The following UTRN variants were observed in gnomAD, a reference collection of about 807,000 sequenced individuals.
UTRN encodes the protein utrophin.
UTRN carries 283 observed loss-of-function variants against 463.9 expected under a neutral mutation model. That is an observed-to-expected ratio of 0.61 (90% CI 0.55 to 0.67). UTRN has a LOEUF of 0.67. Among genes scored for constraint, UTRN ranks in the 30% least tolerant of loss-of-function variants. The pLI, the probability that UTRN is intolerant of heterozygous loss-of-function variation, is 0.00. For synonymous variants in UTRN, 1,442 were observed against 1,431.5 expected, an observed-to-expected ratio of 1.01 and a Z score of -0.17; for missense variants, 3,922 against 4,084.3, an observed-to-expected ratio of 0.96 and a Z score of 1.08.
intron 1 of UTRN, among the ~76,000 whole-genome samples, chr6:144,287,577 T>C (rs1325468099): frequency 6.6e-6 from 1 of 152,208 alleles, no homozygotes; most frequent in East Asian, 1.9e-4. Context: ...ACATAAAATA[T>C]AGTACAAAAT....
At chr6:144,394,057 A>G (rs959521597) in intron 2 of UTRN, among the ~76,000 whole-genome samples, 1 of 152,200 alleles carries the variant, frequency 6.6e-6, no homozygotes, top group African/African-American at 2.4e-5. Flanking sequence ...TGACACACAG[A>G]GGACTAAATT....
intron 51 of UTRN, among the ~76,000 whole-genome samples, chr6:144,579,405 A>G (rs1281558948): frequency 6.6e-6 from 1 of 152,184 alleles, no homozygotes. Flanking sequence ...TTCAGTAGCT[A>G]TCTAGGCTGT....
chr6:144,602,135 T>A (rs924619783), intron 51 of UTRN, among the ~76,000 whole-genome samples: 6 of 152,110 alleles, frequency 3.9e-5, no homozygotes, highest in Non-Finnish European at 5.9e-5. Context: ...ATTTTTTTTT[T>A]ATTTTTCTTT....
intron 51 of UTRN, chr6:144,659,904 G>A (rs576141731): frequency 1.7e-5 from 4 of 240,848 alleles, no homozygotes; most frequent in African/African-American, 4.4e-5. Context: ...AGTGAGGTGA[G>A]CAGAAGGGAA....
Position 144,824,472 on chromosome 6 carries a change from A to ATT in UTRN, c.9495-2876_9495-2875insTT, listed in dbSNP as rs1554407831. On this transcript the variant is annotated intron_variant, in intron 66 of 74. Transcript: ENST00000367545. The stretch of plus-strand genomic sequence containing the variant: ...ACATATACAATAAATATGTATATAT[A>ATT]GTATATATACACATATACAATAAAT... 3.3e-4 allele frequency among the ~76,000 whole-genome samples: 21 copies of ATT among 63,850 alleles called. No homozygotes were observed. The East Asian group carries it at 8.1e-3, about 25-fold the overall frequency. The allele number at this position is 63,850 out of a possible 152,430, so 41.9% of individuals were successfully genotyped here.
intron 65 of UTRN, among the ~76,000 whole-genome samples, chr6:144,819,133 G>A (rs1330180315): frequency 6.6e-6 from 1 of 152,152 alleles, no homozygotes; most frequent in African/African-American, 2.4e-5. Context: ...TGATGGCAAA[G>A]CCTGGTGATA....
chr6:144,584,862 T>G (rs529112988), intron 51 of UTRN, among the ~76,000 whole-genome samples: 1 of 152,286 alleles, frequency 6.6e-6, no homozygotes, highest in African/African-American at 2.4e-5. Flanking sequence ...CTTCAGTGGA[T>G]AAGTTTATTC....
At chr6:144,326,907 G>T (rs2114596596) in intron 2 of UTRN, among the ~76,000 whole-genome samples, 2 of 152,254 alleles carry the variant, frequency 1.3e-5, no homozygotes, top group Middle Eastern at 3.4e-3. Context: ...GATGACTAGG[G>T]GTCCAAACTT....
intron 41 of UTRN, among the ~76,000 whole-genome samples, chr6:144,527,387 T>C (rs1305724020): frequency 2.6e-5 from 4 of 152,242 alleles, no homozygotes; most frequent in Non-Finnish European, 5.9e-5. Context: ...TAGATTCTTC[T>C]TTATAGGTTA....
intron 52 of UTRN, among the ~76,000 whole-genome samples, chr6:144,686,335 A>T (rs544997180): frequency 6.6e-6 from 1 of 152,128 alleles, no homozygotes; most frequent in African/African-American, 2.4e-5. Context: ...AGAATGTTCC[A>T]TATGCTGATG....
intron 1 of UTRN, among the ~76,000 whole-genome samples, chr6:144,287,872 A>T (rs774766143): frequency 6.6e-6 from 1 of 152,338 alleles, no homozygotes; most frequent in South Asian, 2.1e-4. Context: ...TTGCATTTGT[A>T]TAGGGCTTGA....
chr6:144,428,864 T>G lies in UTRN; in HGVS notation c.665T>G (p.Leu222Trp). Residue 222 changes from leucine to tryptophan, a missense_variant, in exon 8 of 75, where the codon TTG (leucine) becomes TGG (tryptophan). This residue lies in a region of UTRN where 264 missense variants were observed against 327.9 expected (regional missense o/e 0.81). Coordinates refer to ENST00000367545, the MANE Select transcript of UTRN (RefSeq NM_007124.3). ...EHAFSKAQTYLGIEKLLDPED... is the reference protein window; with the variant it reads ...EHAFSKAQTYWGIEKLLDPED... ...GCCTTCAGCAAGGCTCAAACTTATT[T>G]GGGAATTGAAAAGCTGTTAGATCCT... 6.2e-7 allele frequency: 1 copy of G among 1,609,138 alleles called. No homozygotes were observed. Among genetic ancestry groups the G allele is most frequent in the East Asian group, 2.2e-5 (1 of 44,672 alleles).
chr6:144,432,999 G>T (rs1473960680), intron 9 of UTRN, among the ~76,000 whole-genome samples: 1 of 152,140 alleles, frequency 6.6e-6, no homozygotes, highest in East Asian at 1.9e-4. Flanking sequence ...CACAGGGTTG[G>T]GGGCAAGGTC....
chr6:144,601,192 A>G (rs144892545), intron 51 of UTRN, among the ~76,000 whole-genome samples: 400 of 152,280 alleles, frequency 2.6e-3, no homozygotes, highest in African/African-American at 9.2e-3. Flanking sequence ...TCTTCAGCCC[A>G]TGGATCGAGA....
At chr6:144,408,338 A>G (rs1213512627) in intron 3 of UTRN, among the ~76,000 whole-genome samples, 1 of 152,212 alleles carries the variant, frequency 6.6e-6, no homozygotes, top group Non-Finnish European at 1.5e-5. Flanking sequence ...GGAGGCAGCA[A>G]AGGCCTCATT....
At chr6:144,624,690 C>T (rs1775770484) in intron 51 of UTRN, among the ~76,000 whole-genome samples, 1 of 152,130 alleles carries the variant, frequency 6.6e-6, no homozygotes, top group Admixed American at 6.5e-5. Flanking sequence ...GCTTCATTGA[C>T]ATCCTGGCAG....
At chr6:144,836,162 C>A in intron 70 of UTRN, 139 bp from the exon 71 acceptor site, 1 of 1,458,026 alleles carries the variant, frequency 6.9e-7, no homozygotes, top group Non-Finnish European at 9.2e-7. Context: ...CAATTTTATT[C>A]CTGCATGCTC....
chr6:144,363,371 C>G (rs1779240156), intron 2 of UTRN, among the ~76,000 whole-genome samples: 1 of 152,204 alleles, frequency 6.6e-6, no homozygotes, highest in Admixed American at 6.5e-5. Context: ...GCACAGAGAG[C>G]TTGGTTTTCC....
At chr6:144,647,870 C>T (rs1391838657) in intron 51 of UTRN, among the ~76,000 whole-genome samples, 1 of 152,104 alleles carries the variant, frequency 6.6e-6, no homozygotes, top group Non-Finnish European at 1.5e-5. Context: ...GTGTCTAGTA[C>T]CTGTGCCACA....
Sources: gnomAD v4.1 joint callset for allele counts (sites outside exome capture counted in the v4.1 genomes callset) on GRCh38, gnomAD v4.1.1 for gene constraint, gnomAD v4.1.1 regional missense constraint, MANE v1.5 for transcripts, NCBI Gene and HGNC (gene_info 2026-07-23, HGNC 2026-07-21) for gene names.